Variants in NBEA observed in about 807,000 individuals in gnomAD.
The protein encoded by NBEA is neurobeachin, also known as lysosomal-trafficking regulator 2.
In NBEA, 44 loss-of-function variants were observed where a neutral mutation model predicts 343.4. The observed-to-expected ratio is 0.13, with a 90% CI of 0.10 to 0.16. NBEA has a LOEUF of 0.16. Ranked by LOEUF, NBEA falls within the 10% of genes least tolerant of loss-of-function variation. NBEA has a pLI of 1.00. For synonymous variants in NBEA, 1,175 were observed against 1,238.7 expected (o/e 0.95, Z 1.08); for missense variants, 2,555 against 3,631.3 (o/e 0.70, Z 7.62).
At position 35,159,117 on chromosome 13, in the gene NBEA, C is replaced by T; in HGVS notation, c.2946C>T (p.Ser982=). ...NIKKGKKGNV[S]TISGLSSQTT... is the part of the protein sequence containing the mutation. ...AAAAGGGAAAGAAAGGGAATGTGAG[C>T]ACCATCTCTGGTCTTTCATCACAGA... is the stretch of plus-strand genomic sequence containing the variant. Residue 982 remains serine (S), a synonymous_variant, in exon 22 of 59, where the codon AGC becomes AGT. Coordinates refer to ENST00000379939, the MANE Select transcript of NBEA (RefSeq NM_001385012.1). 2 of 1,613,500 alleles carry T rather than the reference C, an allele frequency of 1.2e-6. No individual in the cohort carries two copies. Among genetic ancestry groups the T allele is most frequent in the Non-Finnish European group, 1.7e-6 (2 of 1,179,618 alleles).
intron 1 of NBEA, among the ~76,000 whole-genome samples, chr13:35,001,105 G>C (rs1014978917): frequency 5.3e-5 from 8 of 151,820 alleles, no homozygotes; most frequent in African/African-American, 1.9e-4. Context: ...TCTGATTTGT[G>C]GCGTAGTTCT....
intron 38 of NBEA, among the ~76,000 whole-genome samples, chr13:35,425,071 A>T (rs1324432454): frequency 2.0e-5 from 3 of 151,950 alleles, no homozygotes; most frequent in Non-Finnish European, 2.9e-5. Flanking sequence ...GCAGTCTATC[A>T]ATTTTGTTGA....
chr13:35,194,967 T>C (rs1731454220), intron 30 of NBEA, among the ~76,000 whole-genome samples: 1 of 152,096 alleles, frequency 6.6e-6, no homozygotes, highest in Non-Finnish European at 1.5e-5. Context: ...GCCTTGTCCT[T>C]GAGGAACATT....
chr13:35,400,170 C>T (rs1043492592), intron 38 of NBEA, among the ~76,000 whole-genome samples: 4 of 123,034 alleles, frequency 3.3e-5, no homozygotes, highest in African/African-American at 1.3e-4. Context: ...TTGCTAGATG[C>T]AGGGTTGCCA....
chr13:34,950,585 T>C (rs2059320876), intron 1 of NBEA, among the ~76,000 whole-genome samples: 1 of 151,308 alleles, frequency 6.6e-6, no homozygotes, highest in African/African-American at 2.4e-5. Context: ...TATTTAGAAA[T>C]ATTTAATTTC....
chr13:35,007,591 A>G (rs537684536), intron 1 of NBEA, among the ~76,000 whole-genome samples: 1 of 152,216 alleles, frequency 6.6e-6, no homozygotes, highest in Admixed American at 6.5e-5. Flanking sequence ...TCCCAGGCTC[A>G]AGTGATCCTC....
intron 39 of NBEA, among the ~76,000 whole-genome samples, chr13:35,451,217 G>A (rs1373740043): frequency 2.0e-5 from 3 of 152,044 alleles, no homozygotes; most frequent in Non-Finnish European, 4.4e-5. Context: ...TCCGCCTCCC[G>A]GGTTCACGCC....
intron 28 of NBEA, among the ~76,000 whole-genome samples, chr13:35,179,152 G>A (rs1214770275): frequency 6.6e-6 from 1 of 151,506 alleles, no homozygotes; most frequent in Non-Finnish European, 1.5e-5. Flanking sequence ...AGAATGCTTT[G>A]GAAAGATCTG....
intron 48 of NBEA, among the ~76,000 whole-genome samples, chr13:35,608,082 T>G (rs111894919): frequency 7.4e-4 from 112 of 152,328 alleles, no homozygotes; most frequent in Admixed American, 1.8e-3. Context: ...CTGTATGTTC[T>G]GTCTCTAAGA....
chr13:35,525,374 A>T (rs1231472886), intron 41 of NBEA, among the ~76,000 whole-genome samples: 1 of 152,132 alleles, frequency 6.6e-6, no homozygotes, highest in African/African-American at 2.4e-5. Context: ...CAACATGGCA[A>T]AACCCCATCT....
chr13:35,458,905 C>G (rs934262278), intron 40 of NBEA, among the ~76,000 whole-genome samples: 14 of 150,776 alleles, frequency 9.3e-5, no homozygotes, highest in African/African-American at 3.4e-4. Flanking sequence ...GTAATTAGTA[C>G]AGGGAGATAG....
intron 41 of NBEA, among the ~76,000 whole-genome samples, chr13:35,480,342 T>A (rs1363028756): frequency 1.3e-5 from 2 of 152,088 alleles, no homozygotes; most frequent in Non-Finnish European, 2.9e-5. Flanking sequence ...AATGCAATAT[T>A]TCTTTGTTTT....
At chr13:35,588,646 T>C (rs546969116) in intron 46 of NBEA, among the ~76,000 whole-genome samples, 7 of 152,274 alleles carry the variant, frequency 4.6e-5, no homozygotes, top group South Asian at 2.1e-4. Context: ...ACAGCTGCCA[T>C]TGGGCAAATC....
intron 17 of NBEA, among the ~76,000 whole-genome samples, chr13:35,124,497 T>C (rs1198339368): frequency 5.5e-5 from 8 of 146,156 alleles, no homozygotes; most frequent in African/African-American, 1.7e-4. Context: ...TGTGTGTGTA[T>C]ACACACACAC....
chr13:35,059,761 C>CAGAG (rs59580233), intron 8 of NBEA, among the ~76,000 whole-genome samples: 4,364 of 111,092 alleles, frequency 0.039, 78 homozygotes, highest in Non-Finnish European at 0.06. Flanking sequence ...TATATATATA[C>CAGAG]AGAGAGAGAG....
intron 36 of NBEA, among the ~76,000 whole-genome samples, chr13:35,319,015 G>A (rs2037946920): frequency 6.6e-6 from 1 of 152,056 alleles, no homozygotes; most frequent in African/African-American, 2.4e-5. Context: ...ATTCTGGCTA[G>A]AGGTCTGTCT....
intron 38 of NBEA, among the ~76,000 whole-genome samples, chr13:35,372,145 G>T (rs2041468977): frequency 1.3e-5 from 2 of 152,190 alleles, no homozygotes; most frequent in South Asian, 4.1e-4. Flanking sequence ...GTGGGTAGAT[G>T]GGCAGATTGG....
intron 32 of NBEA, 128 bp from the exon 33 acceptor site, chr13:35,210,925 G>T: frequency 1.1e-6 from 1 of 916,642 alleles, no homozygotes; most frequent in Non-Finnish European, 1.6e-6. Flanking sequence ...ATGGCCAAAT[G>T]ATTAATTGTC....
intron 28 of NBEA, among the ~76,000 whole-genome samples, chr13:35,179,352 A>G (rs2071143190): frequency 1.3e-5 from 2 of 151,550 alleles, no homozygotes; most frequent in South Asian, 4.1e-4. Context: ...CAACACTTAA[A>G]GCAGACCGGA....
Sources: gnomAD v4.1 joint callset for allele counts (sites outside exome capture counted in the v4.1 genomes callset) on GRCh38, gnomAD v4.1.1 for gene constraint, MANE v1.5 for transcripts, NCBI Gene and HGNC (gene_info 2026-07-23, HGNC 2026-07-21) for gene names.